RMDN2: variants seen among roughly 807,000 people sequenced by gnomAD.
RMDN2 encodes the protein regulator of microtubule dynamics protein 2.
In RMDN2, 61 loss-of-function variants were observed where a neutral mutation model predicts 52.8. The ratio of observed to expected loss-of-function variants is 1.16; its 90% CI spans 0.94 to 1.43. RMDN2 has a LOEUF of 1.43. Ranked by LOEUF, RMDN2 falls within the 40% of genes most tolerant of loss-of-function variation. The pLI, the probability that RMDN2 is intolerant of heterozygous loss-of-function variation, is 0.00. For missense variants in RMDN2, 592 were observed against 475.3 expected (o/e 1.25, Z -2.28); for synonymous variants, 180 against 153.1 (o/e 1.18, Z -1.30).
chr2:38,039,843 A>G (rs1680843374), intron 10 of RMDN2, among the ~76,000 whole-genome samples: 1 of 152,178 alleles, frequency 6.6e-6, no homozygotes, highest in African/African-American at 2.4e-5. Flanking sequence ...ATGAAACAAT[A>G]AGCACAAAGG....
chr2:37,966,805 A>T (rs1040942315), intron 2 of RMDN2, among the ~76,000 whole-genome samples: 7 of 152,146 alleles, frequency 4.6e-5, no homozygotes, highest in Admixed American at 1.3e-4. Context: ...CACTGGTTTC[A>T]CACTTTTTTG....
At chr2:38,023,582 G>A (rs1679551126) in intron 10 of RMDN2, among the ~76,000 whole-genome samples, 2 of 152,194 alleles carry the variant, frequency 1.3e-5, no homozygotes, top group South Asian at 4.2e-4. Context: ...CTTGAACTGA[G>A]TGTGTTGAGA....
At chr2:38,017,757 C>G (rs758400724), downstream of RMDN2, 3 of 319,836 alleles carry the variant, frequency 9.4e-6, no homozygotes, top group Non-Finnish European at 6.1e-6. Flanking sequence ...AGCTTTCACT[C>G]GTGTCCATGT....
Position 37,984,623 on chromosome 2 carries a change from A to T in RMDN2, c.791+3280A>T, listed in dbSNP as rs79029326. Among the ~76,000 whole-genome samples the T allele has an allele frequency of 9.1e-4, 138 of 152,288 alleles. 2 individuals are homozygous for T. In the East Asian group the frequency reaches 0.022, roughly 25 times the overall value. On this transcript the variant is annotated intron_variant, in intron 5 of 10. Coordinates refer to ENST00000354545, the MANE Select transcript of RMDN2 (RefSeq NM_001170791.3). ...TCTGCTTTTTCATAGTATAAACAGC[A>T]TTGGTGCTGAATGAGAAATACTGCA...
At chr2:37,969,704 T>A (rs1671541737) in intron 2 of RMDN2, among the ~76,000 whole-genome samples, 1 of 152,136 alleles carries the variant, frequency 6.6e-6, no homozygotes, top group African/African-American at 2.4e-5. Flanking sequence ...CAGTACAATG[T>A]TGAATAGAAG....
chr2:37,961,319 G>A lies in RMDN2; in HGVS notation c.453-12721G>A, dbSNP rs145151980. ...GTTCCATTCTCCCTATCACTTTCAGGTACACCAATCAAACGTAGGTTTGGT... is the reference window on the plus strand; with the variant it reads ...GTTCCATTCTCCCTATCACTTTCAGATACACCAATCAAACGTAGGTTTGGT... On this transcript the variant is annotated intron_variant, in intron 2 of 10. Coordinates refer to ENST00000354545, the MANE Select transcript of RMDN2 (RefSeq NM_001170791.3). Among the ~76,000 whole-genome samples the A allele has an allele frequency of 4.8e-3, 737 of 152,050 alleles. 2 individuals carry two copies. The highest frequency in any genetic ancestry group is 0.014 in the Middle Eastern group (4 of 294).
At chr2:38,046,070 C>G (rs941288337) in intron 10 of RMDN2, among the ~76,000 whole-genome samples, 47 of 152,194 alleles carry the variant, frequency 3.1e-4, no homozygotes, top group Admixed American at 1.3e-3. Flanking sequence ...TGCACACATA[C>G]CCAAGGCTAC....
chr2:37,935,158 A>G (rs1273492099), intron 2 of RMDN2, among the ~76,000 whole-genome samples: 2 of 152,228 alleles, frequency 1.3e-5, no homozygotes, highest in African/African-American at 2.4e-5. Context: ...AAATAACACA[A>G]AACACCACGA....
chr2:38,063,356 C>A (rs546407214), intron 10 of RMDN2, among the ~76,000 whole-genome samples: 2 of 152,188 alleles, frequency 1.3e-5, no homozygotes, highest in Admixed American at 6.5e-5. Context: ...ATTTGCATTT[C>A]TCTGATGGCC....
intron 4 of RMDN2, among the ~76,000 whole-genome samples, chr2:37,977,870 C>T (rs569794814): frequency 9.9e-5 from 15 of 151,848 alleles, no homozygotes; most frequent in South Asian, 2.1e-4. Context: ...CCTCACATCC[C>T]GGACGATGGG....
intron 8 of RMDN2, among the ~76,000 whole-genome samples, chr2:37,999,093 C>A (rs1675963709): frequency 6.6e-6 from 1 of 152,128 alleles, no homozygotes; most frequent in African/African-American, 2.4e-5. Flanking sequence ...AGCAGGTTTT[C>A]AGAACACTGT....
intron 10 of RMDN2, among the ~76,000 whole-genome samples, chr2:38,023,080 C>T (rs1679515518): frequency 6.6e-6 from 1 of 152,158 alleles, no homozygotes; most frequent in Non-Finnish European, 1.5e-5. Context: ...AAGTGTTTTT[C>T]CTATATTAAC....
At chr2:37,979,165 T>C (rs1306224644) in intron 4 of RMDN2, among the ~76,000 whole-genome samples, 1 of 152,184 alleles carries the variant, frequency 6.6e-6, no homozygotes, top group East Asian at 1.9e-4. Flanking sequence ...CTTTAATTTA[T>C]CCATTTAAGA....
At chr2:38,003,089 C>G (rs1676531060) in intron 8 of RMDN2, 1 of 152,218 alleles carries the variant, frequency 6.6e-6, no homozygotes, top group African/African-American at 2.4e-5. Context: ...TGTCTACTAC[C>G]TGAACTGGAT....
chr2:37,936,195 A>G (rs1017990046), intron 2 of RMDN2, among the ~76,000 whole-genome samples: 1 of 152,210 alleles, frequency 6.6e-6, no homozygotes, highest in Non-Finnish European at 1.5e-5. Context: ...GGTGGTTTCC[A>G]GCTTCATCCG....
chr2:37,952,239 C>G (rs1202950129), intron 2 of RMDN2: 1 of 1,599,194 alleles, frequency 6.3e-7, no homozygotes, highest in Admixed American at 1.7e-5. Context: ...AAGGGCACCT[C>G]AAATAGTTTT....
intron 5 of RMDN2, among the ~76,000 whole-genome samples, chr2:37,982,130 T>C (rs550036916): frequency 2.0e-5 from 3 of 152,188 alleles, no homozygotes; most frequent in Non-Finnish European, 2.9e-5. Flanking sequence ...CCCATCCCTA[T>C]GATGTAGGGG....
chr2:37,936,973 C>T (rs937695595), intron 2 of RMDN2, among the ~76,000 whole-genome samples: 8 of 152,178 alleles, frequency 5.3e-5, no homozygotes, highest in African/African-American at 1.9e-4. Context: ...TTGCTCATGC[C>T]TATGTCCTGA....
chr2:38,020,918 C>G (rs926603180), downstream of RMDN2, among the ~76,000 whole-genome samples: 1 of 152,216 alleles, frequency 6.6e-6, no homozygotes, highest in Non-Finnish European at 1.5e-5. Context: ...GATTGGCAGG[C>G]AGCTCCACCT....
Sources: allele counts gnomAD v4.1 joint callset (sites outside exome capture counted in the v4.1 genomes callset), GRCh38; gene constraint gnomAD v4.1.1; transcripts MANE v1.5; gene names NCBI Gene and HGNC (gene_info 2026-07-23, HGNC 2026-07-21).